Variants in OPRM1 observed in about 807,000 individuals in gnomAD.
The protein encoded by OPRM1 is mu-type opioid receptor.
A neutral mutation model predicts 31.8 loss-of-function variants in OPRM1; 27 were observed. The observed-to-expected ratio is 0.85, with a 90% confidence interval of 0.63 to 1.17. OPRM1 has a LOEUF of 1.17. Among genes scored for constraint, OPRM1 ranks in the 50% most tolerant of loss-of-function variants. The probability of loss-of-function intolerance (pLI) is 0.00; values close to 1 mark genes in which losing one functional copy is unlikely to be tolerated. For synonymous variants in OPRM1, 196 were observed against 189.9 expected (o/e 1.03, Z -0.26); for missense variants, 536 against 511.1 (o/e 1.05, Z -0.47).
intron 3 of OPRM1, chr6:154,199,641 C>A: frequency 1.9e-6 from 3 of 1,552,222 alleles, no homozygotes; most frequent in Non-Finnish European, 2.6e-6. Context: ...CACTCTCTAA[C>A]GAAGAATAAA....
At chr6:154,199,803 G>A (rs908972507) in intron 3 of OPRM1, 2 of 1,614,174 alleles carry the variant, frequency 1.2e-6, no homozygotes, top group Non-Finnish European at 1.7e-6. Context: ...CTGTTTTCCA[G>A]GGCCTTGTGG....
chr6:154,108,163 T>A, intron 3 of OPRM1: 2 of 414,194 alleles, frequency 4.8e-6, no homozygotes, highest in Non-Finnish European at 8.6e-6. Flanking sequence ...TAAAGGAAAT[T>A]TTTTTTTTTC....
At chr6:154,217,897 A>T (rs1562548244) in intron 3 of OPRM1, among the ~76,000 whole-genome samples, 1 of 152,212 alleles carries the variant, frequency 6.6e-6, no homozygotes, top group South Asian at 2.1e-4. Context: ...TCTCCCAAAC[A>T]TGGAAATAGA....
intron 1 of OPRM1, among the ~76,000 whole-genome samples, chr6:154,017,657 G>A (rs774575611): frequency 2.6e-5 from 4 of 152,110 alleles, no homozygotes; most frequent in Non-Finnish European, 5.9e-5. Context: ...GGGATAAAGG[G>A]AAGAAGTCTG....
chr6:154,020,878 G>A (rs1196015740), intron 1 of OPRM1, among the ~76,000 whole-genome samples: 1 of 152,156 alleles, frequency 6.6e-6, no homozygotes, highest in Non-Finnish European at 1.5e-5. Context: ...TTTATCAAAA[G>A]TATTTTGCAA....
intron 3 of OPRM1, among the ~76,000 whole-genome samples, chr6:154,149,134 T>C (rs1798430285): frequency 6.6e-6 from 1 of 152,128 alleles, no homozygotes; most frequent in Non-Finnish European, 1.5e-5. Context: ...TGAGACTGGG[T>C]AATTTATAAA....
chr6:154,109,792 C>CTCTCTCTG (rs1358444421), intron 3 of OPRM1, among the ~76,000 whole-genome samples: 9 of 101,200 alleles, frequency 8.9e-5, no homozygotes, highest in African/African-American at 3.4e-4. Context: ...CTCTCTCTCT[C>CTCTCTCTG]TGTGTGTGTG....
chr6:154,241,033 C>T (rs1192645060), intron 3 of OPRM1, among the ~76,000 whole-genome samples: 3 of 151,934 alleles, frequency 2.0e-5, no homozygotes, highest in African/African-American at 4.8e-5. Flanking sequence ...GTCAAGAGAT[C>T]GAGACCATCC....
At chr6:154,028,020 C>T (rs1778798334) in intron 1 of OPRM1, among the ~76,000 whole-genome samples, 1 of 152,164 alleles carries the variant, frequency 6.6e-6, no homozygotes, top group South Asian at 2.1e-4. Context: ...TTGCTTCTCC[C>T]TCCCCCAGCC....
chr6:154,081,868 G>A (rs1016468213), intron 1 of OPRM1, among the ~76,000 whole-genome samples: 1 of 152,120 alleles, frequency 6.6e-6, no homozygotes. Context: ...TGTGCCTCGG[G>A]TCCTTCACCA....
At chr6:154,218,242 C>G (rs180970773) in intron 3 of OPRM1, among the ~76,000 whole-genome samples, 1 of 152,226 alleles carries the variant, frequency 6.6e-6, no homozygotes, top group Admixed American at 6.5e-5. Flanking sequence ...TGGAGGAGAA[C>G]AAGTTTTAAG....
chr6:154,166,660 G>A (rs6939625), intron 3 of OPRM1, among the ~76,000 whole-genome samples: 14,831 of 152,080 alleles, frequency 0.098, 1,250 homozygotes, highest in African/African-American at 0.24. Context: ...TTTCTACACC[G>A]GTAGAGTCCA....
intron 3 of OPRM1, among the ~76,000 whole-genome samples, chr6:154,110,926 A>T (rs1164352867): frequency 6.8e-6 from 1 of 147,072 alleles, no homozygotes; most frequent in Admixed American, 6.8e-5. Flanking sequence ...ATTAGGACTC[A>T]TTTCTGGGTT....
chr6:154,133,146 A>C (rs1166335316), downstream of OPRM1, among the ~76,000 whole-genome samples: 1 of 152,070 alleles, frequency 6.6e-6, no homozygotes, highest in Non-Finnish European at 1.5e-5. Flanking sequence ...GAAAGAAAAA[A>C]ACTATCTCAA....
intron 1 of OPRM1, among the ~76,000 whole-genome samples, chr6:154,058,629 G>T (rs1448429174): frequency 1.3e-5 from 2 of 152,102 alleles, no homozygotes; most frequent in South Asian, 4.1e-4. Context: ...GTAGAATATT[G>T]GTCCCTAGCA....
At chr6:154,148,085 G>A (rs1031837750) in intron 3 of OPRM1, among the ~76,000 whole-genome samples, 5 of 152,176 alleles carry the variant, frequency 3.3e-5, no homozygotes, top group African/African-American at 9.7e-5. Flanking sequence ...AACAGCTTCT[G>A]AATGGAAAAG....
intron 1 of OPRM1, among the ~76,000 whole-genome samples, chr6:154,056,121 T>TTTC (rs1783229940): frequency 1.3e-5 from 2 of 150,678 alleles, no homozygotes; most frequent in Admixed American, 6.6e-5. Flanking sequence ...TTTCTTTTCT[T>TTTC]TTTTCTTTTT....
chr6:154,219,819 A>G (rs1311697663), intron 3 of OPRM1, among the ~76,000 whole-genome samples: 1 of 152,138 alleles, frequency 6.6e-6, no homozygotes, highest in African/African-American at 2.4e-5. Flanking sequence ...TGTTTGGAAG[A>G]CTCAACTGTC....
chr6:154,038,604 C>G (rs908956735), upstream of OPRM1, among the ~76,000 whole-genome samples: 5 of 152,110 alleles, frequency 3.3e-5, no homozygotes, highest in Non-Finnish European at 7.4e-5. Context: ...ATAAACAATT[C>G]CAAACAGGTC....
Sources: allele counts gnomAD v4.1 joint callset (sites outside exome capture counted in the v4.1 genomes callset), GRCh38; gene constraint gnomAD v4.1.1; transcripts MANE v1.5; gene names NCBI Gene and HGNC (gene_info 2026-07-23, HGNC 2026-07-21).